The following BRWD1 variants were observed in gnomAD, a reference collection of about 807,000 sequenced individuals.
BRWD1 encodes the protein bromodomain and WD repeat domain containing 1.
In BRWD1, 82 loss-of-function variants were observed where a neutral mutation model predicts 251.2. That is an observed-to-expected ratio of 0.33 (90% CI 0.27 to 0.39). The LOEUF is 0.39. Among genes scored for constraint, BRWD1 ranks in the 10% least tolerant of loss-of-function variants. The pLI is 1.00. For synonymous variants in BRWD1, 918 were observed against 902.8 expected (o/e 1.02, Z -0.30); for missense variants, 2,233 against 2,711.6 (o/e 0.82, Z 3.92).
At chr21:39,287,808 T>C (rs1037776448) in intron 8 of BRWD1, among the ~76,000 whole-genome samples, 3 of 152,224 alleles carry the variant, frequency 2.0e-5, no homozygotes, top group Non-Finnish European at 4.4e-5. Context: ...TCTTGAGAAA[T>C]ACACTTGTGA....
Position 39,195,346 on chromosome 21 carries a change from C to T in BRWD1, c.*913G>A, listed in dbSNP as rs2031756920. The T allele has an allele frequency of 1.0e-6, 1 of 990,194 alleles. No individual in the cohort carries two copies. Among genetic ancestry groups the T allele is most frequent in the African/African-American group, 1.7e-5 (1 of 57,196 alleles). The allele number at this position is 990,194 out of a possible 1,614,324, so 61.3% of individuals were successfully genotyped here. On this transcript the variant is annotated 3_prime_UTR_variant, in exon 41 of 41. Coordinates refer to ENST00000342449, the MANE Select transcript of BRWD1 (RefSeq NM_033656.4). ...TATTAACTTAAATACTCTTTTAGCC[C>T]TGTACACTCTATTAAAGAACACACT...
At chr21:39,241,870 G>C (rs1258060800) in intron 21 of BRWD1, among the ~76,000 whole-genome samples, 1 of 152,118 alleles carries the variant, frequency 6.6e-6, no homozygotes, top group Non-Finnish European at 1.5e-5. Context: ...ATCTGTTACT[G>C]TGATTTGTGA....
intron 17 of BRWD1, among the ~76,000 whole-genome samples, chr21:39,262,616 G>A (rs2034789494): frequency 6.6e-6 from 1 of 152,130 alleles, no homozygotes; most frequent in Admixed American, 6.5e-5. Flanking sequence ...TCAGGAGGCT[G>A]AGGCAGGAAA....
intron 21 of BRWD1, among the ~76,000 whole-genome samples, chr21:39,246,596 T>C (rs999620456): frequency 3.9e-5 from 6 of 151,930 alleles, no homozygotes; most frequent in African/African-American, 1.5e-4. Context: ...AGCCAAAAAG[T>C]GGAAACAATA....
Position 39,296,992 on chromosome 21 carries a change from A to G in BRWD1, c.350-629T>C, listed in dbSNP as rs1199064264. ...TCTCTATCTTTAGGAAGTACCAATA[A>G]ATTATATAGCTTTCCCTTCATTGTA... On this transcript the variant is annotated intron_variant, in intron 5 of 40. Coordinates refer to ENST00000342449, the MANE Select transcript of BRWD1 (RefSeq NM_033656.4). The G allele has an allele frequency of 4.1e-6, 4 of 985,198 alleles. No homozygotes were observed. In the Admixed American group the frequency reaches 2.5e-4, roughly 61 times the overall value. 61.0% of individuals were successfully genotyped at this position (985,198 alleles called of 1,614,324 possible). A position where few individuals can be genotyped will look rare whatever the true frequency, so the allele number is the denominator to read the frequency against.
intron 32 of BRWD1, among the ~76,000 whole-genome samples, chr21:39,214,236 G>A (rs1192864268): frequency 6.6e-6 from 1 of 152,112 alleles, no homozygotes. Flanking sequence ...GAATAGAGCA[G>A]ACTAGAACCT....
chr21:39,186,772 C>A lies in BRWD1; in HGVS notation c.*9487G>T. On this transcript the variant is annotated 3_prime_UTR_variant, in exon 41 of 41. Coordinates refer to ENST00000342449, the MANE Select transcript of BRWD1 (RefSeq NM_033656.4). ...TTGCATTCTGGAAAGGAATAGTAGT[C>A]TTATAGCAGGCCATTTGTCTTTTCT... is the stretch of plus-strand genomic sequence containing the variant. 1 of 373,976 alleles carries A rather than the reference C, an allele frequency of 2.7e-6. No homozygotes were observed. 23.2% of individuals were successfully genotyped at this position (373,976 alleles called of 1,614,324 possible).
In BRWD1 at chr21:39,189,267, G is replaced by T. The variant is rs904793621; in HGVS notation, c.*6992C>A. ...TTTGGAAGAAAAGAACAGATAACTG[G>T]TTCATTCCCAACAACCTATTCATCC... On this transcript the variant is annotated 3_prime_UTR_variant, in exon 41 of 41. Coordinates refer to ENST00000342449, the MANE Select transcript of BRWD1 (RefSeq NM_033656.4). 1.0e-5 allele frequency: 10 copies of T among 983,942 alleles called. No individual in the cohort carries two copies. In the South Asian group the frequency reaches 4.7e-4, roughly 46 times the overall value. The allele number at this position is 983,942 out of a possible 1,614,324, so 61.0% of individuals were successfully genotyped here.
At chr21:39,246,708 T>C (rs538893173) in intron 21 of BRWD1, among the ~76,000 whole-genome samples, 1 of 152,322 alleles carries the variant, frequency 6.6e-6, no homozygotes, top group African/African-American at 2.4e-5. Context: ...TATTGATACA[T>C]GCTACACAAA....
At chr21:39,218,117 CT>C in intron 31 of BRWD1, 34 bp downstream of exon 31, 1 of 1,569,406 alleles carries the variant, frequency 6.4e-7, no homozygotes, top group Non-Finnish European at 8.6e-7. Flanking sequence ...CCAAATATAG[CT>C]TTTTAAACAT....
chr21:39,222,081 G>C (rs2033200093), intron 29 of BRWD1, among the ~76,000 whole-genome samples: 1 of 151,854 alleles, frequency 6.6e-6, no homozygotes, highest in East Asian at 1.9e-4. Flanking sequence ...GAAAAAATTG[G>C]AACCCACATA....
intron 4 of BRWD1, among the ~76,000 whole-genome samples, chr21:39,302,861 A>T (rs2036165194): frequency 6.6e-6 from 1 of 151,908 alleles, no homozygotes; most frequent in African/African-American, 2.4e-5. Context: ...AGAGTTCAAG[A>T]CCAGCCTGGG....
chr21:39,302,103 C>T (rs1485822637), intron 4 of BRWD1, among the ~76,000 whole-genome samples: 1 of 150,326 alleles, frequency 6.7e-6, no homozygotes, highest in African/African-American at 2.4e-5. Flanking sequence ...CCTGCCTCAG[C>T]CTCCCAAGTA....
intron 37 of BRWD1, among the ~76,000 whole-genome samples, chr21:39,205,741 A>G (rs1365244729): frequency 6.6e-6 from 1 of 151,866 alleles, no homozygotes; most frequent in Non-Finnish European, 1.5e-5. Context: ...ACTGCACTCC[A>G]ACCTAGGTAA....
intron 20 of BRWD1, among the ~76,000 whole-genome samples, chr21:39,249,670 A>G (rs2034324211): frequency 6.6e-6 from 1 of 152,188 alleles, no homozygotes; most frequent in Non-Finnish European, 1.5e-5. Flanking sequence ...TAGAATTTCA[A>G]CATTATCACT....
At chr21:39,302,426 AAAC>A (rs201173417) in intron 4 of BRWD1, among the ~76,000 whole-genome samples, 2,186 of 152,312 alleles carry the variant, frequency 0.014, 48 homozygotes, top group African/African-American at 0.05. Flanking sequence ...ATTGACTTTA[AAAC>A]AACAGTAACA....
chr21:39,221,378 A>G (rs1261791957), intron 29 of BRWD1, among the ~76,000 whole-genome samples: 1 of 152,204 alleles, frequency 6.6e-6, no homozygotes, highest in African/African-American at 2.4e-5. Context: ...ATTTCATAAA[A>G]CAAAGCAATA....
chr21:39,250,708 A>T, intron 20 of BRWD1, 88 bp downstream of exon 20: 1 of 834,962 alleles, frequency 1.2e-6, no homozygotes, highest in East Asian at 2.8e-5. Flanking sequence ...ACTTCAGATG[A>T]AAGTTACTGA....
intron 21 of BRWD1, among the ~76,000 whole-genome samples, chr21:39,240,022 T>C (rs144561340): frequency 1.8e-4 from 27 of 152,146 alleles, no homozygotes; most frequent in African/African-American, 6.3e-4. Flanking sequence ...AAAACTATGG[T>C]ATATCCAGAC....
Sources: allele counts gnomAD v4.1 joint callset (sites outside exome capture counted in the v4.1 genomes callset), GRCh38; gene constraint gnomAD v4.1.1; transcripts MANE v1.5; gene names NCBI Gene and HGNC (gene_info 2026-07-23, HGNC 2026-07-21).